Variants in NCKAP5 observed in about 807,000 individuals in gnomAD.
The protein encoded by NCKAP5 is NCK associated protein 5.
NCKAP5 carries 92 observed loss-of-function variants against 167.0 expected under a neutral mutation model. That is an observed-to-expected ratio of 0.55 (90% CI 0.47 to 0.66). The LOEUF (loss-of-function observed/expected upper bound fraction) is 0.66, where lower values mean the gene tolerates loss of function less well. Ranked by LOEUF, NCKAP5 falls within the 30% of genes least tolerant of loss-of-function variation. NCKAP5 has a pLI of 0.00. For synonymous variants in NCKAP5, 891 were observed against 877.4 expected (o/e 1.02, Z -0.27); for missense variants, 2,378 against 2,315.0 (o/e 1.03, Z -0.56).
chr2:133,637,888 T>C, the NCKAP5 span, among the ~76,000 whole-genome samples: 2 of 152,162 alleles, frequency 1.3e-5, no homozygotes, highest in African/African-American at 2.4e-5. Context: ...GTCCCCTCTC[T>C]GAATTTTTCT....
the NCKAP5 span, among the ~76,000 whole-genome samples, chr2:133,575,733 C>T: frequency 6.6e-6 from 1 of 152,188 alleles, no homozygotes; most frequent in African/African-American, 2.4e-5. Flanking sequence ...CCAGCCCTCT[C>T]CTACTGCTGC....
chr2:133,186,318 G>A (rs2084943985), intron 5 of NCKAP5, among the ~76,000 whole-genome samples: 1 of 152,080 alleles, frequency 6.6e-6, no homozygotes. Context: ...CTTGATCATA[G>A]TGAATTAACT....
intron 2 of NCKAP5, among the ~76,000 whole-genome samples, chr2:133,539,132 G>T (rs1283766602): frequency 6.6e-6 from 1 of 151,876 alleles, no homozygotes; most frequent in Non-Finnish European, 1.5e-5. Context: ...AGTAGAGACG[G>T]GGTTTCACCT....
At chr2:133,262,287 CAT>C (rs142548506) in intron 4 of NCKAP5, among the ~76,000 whole-genome samples, 3,761 of 152,244 alleles carry the variant, frequency 0.025, 150 homozygotes, top group African/African-American at 0.085. Flanking sequence ...TCCCACATAA[CAT>C]GTGTTCTTAG....
intron 4 of NCKAP5, among the ~76,000 whole-genome samples, chr2:133,224,192 A>C (rs2086782413): frequency 6.6e-6 from 1 of 152,158 alleles, no homozygotes; most frequent in African/African-American, 2.4e-5. Context: ...ATCCATCCAT[A>C]CAGTCACTCA....
At chr2:133,666,186 C>CTTTTTTTTTTTTT in the NCKAP5 span, among the ~76,000 whole-genome samples, 142 of 114,114 alleles carry the variant, frequency 1.2e-3, no homozygotes, top group African/African-American at 3.5e-3. Context: ...GATCTACATC[C>CTTTTTTTTTTTTT]TTTTTTTTTT....
intron 3 of NCKAP5, among the ~76,000 whole-genome samples, chr2:133,441,233 G>A (rs886168209): frequency 9.2e-5 from 14 of 152,272 alleles, no homozygotes; most frequent in African/African-American, 3.4e-4. Context: ...GTCATAAGGA[G>A]AGAAGAAGCT....
At chr2:132,831,857 C>T (rs2105369499) in intron 11 of NCKAP5, among the ~76,000 whole-genome samples, 1 of 152,024 alleles carries the variant, frequency 6.6e-6, no homozygotes, top group South Asian at 2.1e-4. Flanking sequence ...TATATTAATC[C>T]ATCAGGGAAT....
At chr2:133,193,013 T>C (rs939494321) in intron 5 of NCKAP5, among the ~76,000 whole-genome samples, 1 of 152,050 alleles carries the variant, frequency 6.6e-6, no homozygotes, top group Non-Finnish European at 1.5e-5. Context: ...TTTCAATAAG[T>C]AAATGATTAA....
At chr2:133,128,939 T>G (rs1487203191) in intron 6 of NCKAP5, among the ~76,000 whole-genome samples, 1 of 128,500 alleles carries the variant, frequency 7.8e-6, no homozygotes, top group African/African-American at 3.0e-5. Flanking sequence ...GGACAGAAAC[T>G]CACTGATTTT....
the NCKAP5 span, among the ~76,000 whole-genome samples, chr2:133,672,544 T>C: frequency 6.6e-6 from 1 of 152,230 alleles, no homozygotes; most frequent in Admixed American, 6.5e-5. Flanking sequence ...ACAGATAGTT[T>C]GAGAAGCATT....
chr2:133,354,743 T>C (rs1199661380), intron 3 of NCKAP5, among the ~76,000 whole-genome samples: 2 of 152,214 alleles, frequency 1.3e-5, no homozygotes, highest in African/African-American at 2.4e-5. Flanking sequence ...TAACTTCTAA[T>C]ACATTAAGAC....
intron 5 of NCKAP5, among the ~76,000 whole-genome samples, chr2:133,186,119 T>C (rs1356359764): frequency 6.6e-6 from 1 of 152,128 alleles, no homozygotes; most frequent in Non-Finnish European, 1.5e-5. Context: ...GCTCTTATTA[T>C]ATTGAGGTAT....
At chr2:133,343,525 C>A (rs1390548070) in intron 3 of NCKAP5, among the ~76,000 whole-genome samples, 1 of 152,040 alleles carries the variant, frequency 6.6e-6, no homozygotes, top group Non-Finnish European at 1.5e-5. Flanking sequence ...AAATTCTACT[C>A]TTCAAAAAAT....
At chr2:133,531,285 T>A (rs977678413) in intron 2 of NCKAP5, among the ~76,000 whole-genome samples, 1 of 152,160 alleles carries the variant, frequency 6.6e-6, no homozygotes, top group African/African-American at 2.4e-5. Flanking sequence ...ATTACTTCAA[T>A]CATTAATTTA....
At chr2:133,311,333 G>T (rs1055059937) in intron 3 of NCKAP5, among the ~76,000 whole-genome samples, 5 of 152,310 alleles carry the variant, frequency 3.3e-5, no homozygotes, top group Admixed American at 3.3e-4. Flanking sequence ...ACAGCTAGAT[G>T]GAAGAGCTGC....
chr2:133,672,975 C>T, the NCKAP5 span, among the ~76,000 whole-genome samples: 266 of 152,290 alleles, frequency 1.7e-3, no homozygotes, highest in African/African-American at 6.2e-3. Context: ...TTCCATGTTC[C>T]TCTCATAGCA....
At chr2:133,366,853 T>C (rs534509048) in intron 3 of NCKAP5, among the ~76,000 whole-genome samples, 109 of 152,270 alleles carry the variant, frequency 7.2e-4, no homozygotes, top group Middle Eastern at 3.4e-3. Context: ...TTAAAGTATA[T>C]GTGTGACACT....
rs537602847 is a variant in NCKAP5 at position 132,884,045 on chromosome 2, A to G, written c.580-5129T>C. Among the ~76,000 whole-genome samples the G allele has an allele frequency of 4.6e-5, 7 of 152,326 alleles. No individual in the cohort carries two copies. The South Asian group carries it at 1.0e-3, about 23-fold the overall frequency. On this transcript the variant is annotated intron_variant, in intron 8 of 19. Coordinates refer to ENST00000409261, the MANE Select transcript of NCKAP5 (RefSeq NM_207363.3). ...TCATTTCAACTCAGTCACGGTTCAC[A>G]TTCCAGAACTCCTCAAACACTGTTT...
Sources: gnomAD v4.1 joint callset for allele counts (sites outside exome capture counted in the v4.1 genomes callset) on GRCh38, gnomAD v4.1.1 for gene constraint, MANE v1.5 for transcripts, NCBI Gene and HGNC (gene_info 2026-07-23, HGNC 2026-07-21) for gene names.